The following CELF2 variants were observed in gnomAD, a reference collection of about 807,000 sequenced individuals.
CELF2 encodes the protein CUGBP Elav-like family member 2, also known as CUG triplet repeat RNA-binding protein 2.
A neutral mutation model predicts 62.6 loss-of-function variants in CELF2; 8 were observed. That is an observed-to-expected ratio of 0.13 (90% CI 0.07 to 0.23). The LOEUF (loss-of-function observed/expected upper bound fraction) is 0.23. CELF2 is among the 10% of genes least tolerant of loss of function. The pLI is 1.00. For missense variants in CELF2, 333 were observed against 671.0 expected, an observed-to-expected ratio of 0.50 and a Z score of 5.56; for synonymous variants, 258 against 250.0, an observed-to-expected ratio of 1.03 and a Z score of -0.30.
intron 2 of CELF2, among the ~76,000 whole-genome samples, chr10:11,179,772 C>A (rs975942748): frequency 2.0e-4 from 31 of 152,144 alleles, no homozygotes; most frequent in African/African-American, 7.2e-4. Context: ...GCTCTGTGAT[C>A]CTATAAAGGT....
chr10:10,616,600 G>T, the CELF2 span, among the ~76,000 whole-genome samples: 1 of 151,166 alleles, frequency 6.6e-6, no homozygotes, highest in African/African-American at 2.4e-5. Flanking sequence ...TTTTATTTAG[G>T]CCAGAGAGAG....
chr10:10,500,751 G>T, the CELF2 span, among the ~76,000 whole-genome samples: 3 of 152,134 alleles, frequency 2.0e-5, no homozygotes, highest in Non-Finnish European at 4.4e-5. Flanking sequence ...GCATCATGAA[G>T]AAGACCCCTT....
chr10:11,225,610 A>C (rs980945488), intron 3 of CELF2, among the ~76,000 whole-genome samples: 2 of 152,216 alleles, frequency 1.3e-5, no homozygotes, highest in African/African-American at 4.8e-5. Flanking sequence ...TTGAGAACCA[A>C]CAGGGAGCTT....
intron 1 of CELF2, among the ~76,000 whole-genome samples, chr10:11,119,937 G>A (rs1287363379): frequency 7.3e-6 from 1 of 137,792 alleles, no homozygotes; most frequent in Non-Finnish European, 1.5e-5. Context: ...CGTTTCATAG[G>A]TACACTTTGA....
chr10:10,913,835 G>A (rs1255542176), intron 1 of CELF2, among the ~76,000 whole-genome samples: 1 of 137,504 alleles, frequency 7.3e-6, no homozygotes, highest in Non-Finnish European at 1.6e-5. Context: ...GGGAGGGAAG[G>A]AAGGAAGGAA....
At chr10:10,757,351 C>T in the CELF2 span, among the ~76,000 whole-genome samples, 19 of 152,004 alleles carry the variant, frequency 1.2e-4, no homozygotes, top group Non-Finnish European at 2.2e-4. Flanking sequence ...CCCAGCTACT[C>T]GGGAGGCTGA....
intron 1 of CELF2, among the ~76,000 whole-genome samples, chr10:10,876,330 T>C (rs941567663): frequency 1.3e-5 from 2 of 152,126 alleles, no homozygotes; most frequent in Non-Finnish European, 2.9e-5. Flanking sequence ...TGTGGTGAGG[T>C]AGCATTCAAC....
At chr10:10,681,757 A>T in the CELF2 span, among the ~76,000 whole-genome samples, 1 of 152,226 alleles carries the variant, frequency 6.6e-6, no homozygotes, top group South Asian at 2.1e-4. Flanking sequence ...AATGAAGATC[A>T]GGTTTTTCAT....
chr10:10,481,211 C>T, the CELF2 span, among the ~76,000 whole-genome samples: 1 of 152,158 alleles, frequency 6.6e-6, no homozygotes, highest in African/African-American at 2.4e-5. Flanking sequence ...GCTAATAAGT[C>T]ACTTGCCATC....
At chr10:10,481,932 C>T in the CELF2 span, among the ~76,000 whole-genome samples, 4 of 152,136 alleles carry the variant, frequency 2.6e-5, no homozygotes, top group Non-Finnish European at 5.9e-5. Context: ...CCAATTTAGG[C>T]AAAAGTTATT....
the CELF2 span, among the ~76,000 whole-genome samples, chr10:10,714,753 CT>C: frequency 6.6e-6 from 1 of 152,106 alleles, no homozygotes; most frequent in Non-Finnish European, 1.5e-5. Context: ...TTAAATGCAT[CT>C]TTTGGCATCC....
chr10:10,482,146 A>G, the CELF2 span, among the ~76,000 whole-genome samples: 5 of 152,224 alleles, frequency 3.3e-5, no homozygotes, highest in African/African-American at 9.6e-5. Flanking sequence ...AGAAGATTCC[A>G]TTTTGGAAAT....
At chr10:10,851,515 T>A (rs2059380680) in intron 1 of CELF2, among the ~76,000 whole-genome samples, 1 of 152,210 alleles carries the variant, frequency 6.6e-6, no homozygotes, top group African/African-American at 2.4e-5. Flanking sequence ...AGAAAATGTT[T>A]GTGACCTTGT....
At chr10:11,232,388 GTC>G (rs2069079383) in intron 3 of CELF2, among the ~76,000 whole-genome samples, 1 of 152,090 alleles carries the variant, frequency 6.6e-6, no homozygotes, top group South Asian at 2.1e-4. Context: ...TGACAACTTT[GTC>G]TCTGAGTCAG....
intron 2 of CELF2, among the ~76,000 whole-genome samples, chr10:11,187,581 C>A (rs200585120): frequency 1.4e-5 from 2 of 147,268 alleles, no homozygotes; most frequent in Non-Finnish European, 3.0e-5. Flanking sequence ...TCGCCCCCCC[C>A]CCAACCTGTT....
intron 3 of CELF2, among the ~76,000 whole-genome samples, chr10:11,218,577 T>C (rs1239646051): frequency 6.6e-6 from 1 of 152,236 alleles, no homozygotes; most frequent in Non-Finnish European, 1.5e-5. Flanking sequence ...AACATGAGGT[T>C]CTTCATCACC....
chr10:10,543,586 C>T, the CELF2 span, among the ~76,000 whole-genome samples: 1 of 152,158 alleles, frequency 6.6e-6, no homozygotes, highest in Non-Finnish European at 1.5e-5. Context: ...GTGGGTCACA[C>T]CTGTAATCCC....
At chr10:11,054,507 G>GTA (rs1554804126) in intron 1 of CELF2, among the ~76,000 whole-genome samples, 3,559 of 151,242 alleles carry the variant, frequency 0.024, 142 homozygotes, top group African/African-American at 0.079. Context: ...GTGTGTGTGT[G>GTA]TGTGTGTGTG....
the CELF2 span, among the ~76,000 whole-genome samples, chr10:10,510,234 C>T: frequency 1.2e-4 from 18 of 152,286 alleles, no homozygotes; most frequent in African/African-American, 3.9e-4. Flanking sequence ...CCTGTAAGTG[C>T]CATTATCCTG....
Sources: allele counts gnomAD v4.1 joint callset (sites outside exome capture counted in the v4.1 genomes callset), GRCh38; gene constraint gnomAD v4.1.1; transcripts MANE v1.5; gene names NCBI Gene and HGNC (gene_info 2026-07-23, HGNC 2026-07-21).